The following HHIPL1 variants were observed in gnomAD, a reference collection of about 807,000 sequenced individuals.
The protein encoded by HHIPL1 is HHIP like 1.
A neutral mutation model predicts 61.8 loss-of-function variants in HHIPL1; 43 were observed. The ratio of observed to expected loss-of-function variants is 0.70; its 90% CI spans 0.55 to 0.90. The LOEUF (loss-of-function observed/expected upper bound fraction) is 0.90. HHIPL1 is among the 40% of genes least tolerant of loss of function. The probability of loss-of-function intolerance (pLI) is 0.00; values close to 1 mark genes in which losing one functional copy is unlikely to be tolerated. For missense variants in HHIPL1, 1,056 were observed against 1,157.7 expected (o/e 0.91, Z 1.28); for synonymous variants, 482 against 515.8 (o/e 0.93, Z 0.89).
intron 7 of HHIPL1, among the ~76,000 whole-genome samples, chr14:99,671,531 T>C (rs2056326278): frequency 1.3e-5 from 2 of 152,222 alleles, no homozygotes; most frequent in South Asian, 4.1e-4. Context: ...CTTCACCCCT[T>C]GGCCTTTCCA....
At chr14:99,620,027 TC>T in the HHIPL1 span, among the ~76,000 whole-genome samples, 3 of 152,188 alleles carry the variant, frequency 2.0e-5, no homozygotes, top group African/African-American at 7.2e-5. Flanking sequence ...GCCTGGCACT[TC>T]CGGAGGAAAA....
chr14:99,668,600 C>A lies in HHIPL1; in HGVS notation c.1730+297C>A, dbSNP rs1334567581. On this transcript the variant is annotated intron_variant, in intron 7 of 8. Coordinates refer to ENST00000330710, the MANE Select transcript of HHIPL1 (RefSeq NM_001127258.3). This position sits in a 1 kb window ranked among gnomAD's most constrained non-coding sequence, Gnocchi z 4.7. The stretch of plus-strand genomic sequence containing the variant: ...CACTTGGCTTTCTTGCCTGGCCCGC[C>A]CTCCCTGCGTCTTCCTCCTGTCTAG... Among the ~76,000 whole-genome samples the A allele has an allele frequency of 1.3e-5, 2 of 152,078 alleles. No individual in the cohort carries two copies. Among genetic ancestry groups the A allele is most frequent in the Non-Finnish European group, 2.9e-5 (2 of 68,000 alleles).
At chr14:99,627,237 C>G in the HHIPL1 span, among the ~76,000 whole-genome samples, 2 of 150,262 alleles carry the variant, frequency 1.3e-5, no homozygotes, top group Non-Finnish European at 3.0e-5. The surrounding 1 kb of genome is among the most constrained non-coding windows in gnomAD (Gnocchi z 4.4). Context: ...TCCATCCATC[C>G]ACTCACCCAC....
At chr14:99,616,923 C>T in the HHIPL1 span, among the ~76,000 whole-genome samples, 10 of 152,090 alleles carry the variant, frequency 6.6e-5, no homozygotes, top group Admixed American at 1.3e-4. Context: ...TAGAATATAA[C>T]GACTGTGCAC....
chr14:99,652,707 G>A lies in HHIPL1; in HGVS notation c.739G>A (p.Asp247Asn). 9.9e-6 allele frequency: 16 copies of A among 1,614,060 alleles called. No homozygotes were observed. The highest frequency in any genetic ancestry group is 1.4e-5 in the Non-Finnish European group (16 of 1,180,046). ...RVVLTSPWEG[D>N]ERGFLGIAFH... is the part of the protein sequence containing the mutation. ...GGTGCTCACCTCGCCCTGGGAGGGTGACGAGCGTGGCTTCCTGGGCATTGC... is the reference window on the plus strand; with the variant it reads ...GGTGCTCACCTCGCCCTGGGAGGGTAACGAGCGTGGCTTCCTGGGCATTGC... Residue 247 changes from aspartate (D) to asparagine (N), a missense_variant, in exon 2 of 9, where the codon GAC becomes AAC. Asp to Asn is a conservative substitution (Grantham distance 23). Transcript: ENST00000330710.
chr14:99,648,195 T>C (rs1434431734), intron 1 of HHIPL1, among the ~76,000 whole-genome samples: 3 of 151,916 alleles, frequency 2.0e-5, no homozygotes, highest in Non-Finnish European at 4.4e-5. Context: ...CCTCAAGGAG[T>C]GTAGGAACAA....
At chr14:99,619,932 C>G in the HHIPL1 span, among the ~76,000 whole-genome samples, 2 of 152,204 alleles carry the variant, frequency 1.3e-5, no homozygotes, top group African/African-American at 2.4e-5. Context: ...TTTCCCACCC[C>G]CAATCCACAT....
the HHIPL1 span, chr14:99,604,635 G>C: frequency 6.6e-6 from 1 of 152,176 alleles, no homozygotes; most frequent in Non-Finnish European, 1.5e-5. Context: ...CGGGGAGGGG[G>C]ACGGTGGGAA....
the HHIPL1 span, among the ~76,000 whole-genome samples, chr14:99,624,435 C>T: frequency 1.3e-5 from 2 of 152,162 alleles, no homozygotes; most frequent in Non-Finnish European, 2.9e-5. Context: ...GGACCTGGGC[C>T]AGGGCTCAGG....
the HHIPL1 span, among the ~76,000 whole-genome samples, chr14:99,612,179 TGAGAGCCGAGCGATGGG>T: frequency 6.6e-6 from 1 of 152,176 alleles, no homozygotes. Flanking sequence ...GGAGAGAGAA[TGAGAGCCGAGCGATGGG>T]GAGAGCCCCT....
chr14:99,673,850 G>C (rs1240273878), intron 8 of HHIPL1, among the ~76,000 whole-genome samples: 3 of 111,208 alleles, frequency 2.7e-5, no homozygotes, highest in Admixed American at 2.7e-4. Flanking sequence ...GCACAGAGTT[G>C]GGGGATGCAC....
At chr14:99,642,732 G>C (rs1595141565), upstream of HHIPL1, among the ~76,000 whole-genome samples, 1 of 151,860 alleles carries the variant, frequency 6.6e-6, no homozygotes, top group South Asian at 2.1e-4. Context: ...CACCGTATTA[G>C]CCAGTATGAT....
Position 99,678,312 on chromosome 14 carries a change from A to C in HHIPL1, c.*2686A>C, listed in dbSNP as rs2056410093. On this transcript the variant is annotated 3_prime_UTR_variant, in exon 9 of 9. Transcript: ENST00000330710. ...TTTGGAGACCTCTGCCCTAGGTAGT[A>C]ATAAGAGTGGACAGCTGTTATATGT... 1 of 152,196 alleles carries C rather than the reference A, an allele frequency of 6.6e-6. No individual in the cohort carries two copies. The highest frequency in any genetic ancestry group is 1.5e-5 in the Non-Finnish European group (1 of 68,026). 9.4% of individuals were successfully genotyped at this position (152,196 alleles called of 1,614,324 possible). A position where few individuals can be genotyped will look rare whatever the true frequency, so the allele number is the denominator to read the frequency against.
upstream of HHIPL1, among the ~76,000 whole-genome samples, chr14:99,643,359 A>G (rs567255185): frequency 3.3e-5 from 5 of 152,106 alleles, no homozygotes; most frequent in East Asian, 9.6e-4. Flanking sequence ...GACTTTTCTT[A>G]TCTTTTTTTC....
Position 99,662,875 on chromosome 14 carries a change from G to A in HHIPL1, c.1503-1G>A. On this transcript the variant is annotated splice_acceptor_variant, in intron 5 of 8. Coordinates refer to ENST00000330710, the MANE Select transcript of HHIPL1 (RefSeq NM_001127258.3). LOFTEE classifies it high-confidence loss of function. ...GCCTCACAGCTCATCTTCCTTTGCA[G>A]GCGTCTGATGTCCCTCCAAGAGAAC... 1.9e-6 allele frequency: 3 copies of A among 1,586,400 alleles called. No individual in the cohort carries two copies. The highest frequency in any genetic ancestry group is 2.6e-6 in the Non-Finnish European group (3 of 1,168,588).
At chr14:99,643,756 T>G (rs1595142384), upstream of HHIPL1, among the ~76,000 whole-genome samples, 1 of 152,000 alleles carries the variant, frequency 6.6e-6, no homozygotes, top group African/African-American at 2.4e-5. Flanking sequence ...CAGGTGGGAG[T>G]TGGAGGGGAA....
chr14:99,658,896 T>C (rs965184857), intron 3 of HHIPL1, among the ~76,000 whole-genome samples: 1 of 152,036 alleles, frequency 6.6e-6, no homozygotes, highest in Admixed American at 6.5e-5. Flanking sequence ...ATACAAGTCA[T>C]TTTTTCTAGT....
At chr14:99,610,638 G>A in the HHIPL1 span, among the ~76,000 whole-genome samples, 1 of 152,148 alleles carries the variant, frequency 6.6e-6, no homozygotes, top group African/African-American at 2.4e-5. Context: ...GCAGGTGCCT[G>A]TAATCCTAGC....
Position 99,662,993 on chromosome 14 carries a change from C to T in HHIPL1, c.1620C>T (p.Tyr540=), listed in dbSNP as rs2056177682. 2 of 1,612,576 alleles carry T rather than the reference C, an allele frequency of 1.2e-6. No homozygotes were observed. Among genetic ancestry groups the T allele is most frequent in the Middle Eastern group, 1.7e-4 (1 of 6,052 alleles). Residue 540 remains tyrosine (Y), a synonymous_variant, in exon 6 of 9, where the codon TAC becomes TAT. Transcript: ENST00000330710. ...FPGLINNYYP[Y]IISFGEDEAG... ...GCCTCATCAACAACTACTACCCGTA[C>T]ATCATCTCCTTCGGGGAGGACGAGG...
Sources: allele counts gnomAD v4.1 joint callset (sites outside exome capture counted in the v4.1 genomes callset), GRCh38; gene constraint gnomAD v4.1.1; non-coding constraint Gnocchi (gnomAD v3.1); transcripts MANE v1.5; gene names NCBI Gene and HGNC (gene_info 2026-07-23, HGNC 2026-07-21).